Variants in NIBAN1 observed in about 807,000 individuals in gnomAD.
NIBAN1 encodes the protein protein Niban 1.
Under a neutral mutation model 75.1 loss-of-function variants are expected in NIBAN1, and 81 were observed. The observed-to-expected ratio is 1.08, with a 90% confidence interval of 0.90 to 1.30. The LOEUF (loss-of-function observed/expected upper bound fraction) is 1.30. Ranked by LOEUF, NIBAN1 falls within the 50% of genes most tolerant of loss-of-function variation. NIBAN1 has a pLI of 0.00. For synonymous variants in NIBAN1, 436 were observed against 424.8 expected, an observed-to-expected ratio of 1.03 and a Z score of -0.32; for missense variants, 1,133 against 1,128.1, an observed-to-expected ratio of 1.00 and a Z score of -0.06.
At chr1:184,812,439 G>A (rs139135952) in intron 9 of NIBAN1, among the ~76,000 whole-genome samples, 2,719 of 152,310 alleles carry the variant, frequency 0.018, 82 homozygotes, top group African/African-American at 0.062. Context: ...GCCACTCAGG[G>A]AAAGGGAGCC....
At chr1:184,955,751 A>G (rs1658473053) in intron 1 of NIBAN1, among the ~76,000 whole-genome samples, 1 of 152,230 alleles carries the variant, frequency 6.6e-6, no homozygotes, top group Non-Finnish European at 1.5e-5. Context: ...TGAGGGTGAT[A>G]TAAAGGAAAA....
intron 1 of NIBAN1, among the ~76,000 whole-genome samples, chr1:184,916,097 C>G (rs1272715691): frequency 6.6e-6 from 1 of 152,138 alleles, no homozygotes; most frequent in Non-Finnish European, 1.5e-5. Context: ...ACTTGAAGTT[C>G]TCCAAATAAA....
At position 184,854,031 on chromosome 1, in the gene NIBAN1, C is replaced by G. The variant is rs144901973; in HGVS notation, c.602-22069G>C. Among the ~76,000 whole-genome samples the G allele has an allele frequency of 5.9e-5, 9 of 152,268 alleles. No homozygotes were observed. In the East Asian group the frequency reaches 1.7e-3, roughly 29 times the overall value. On this transcript the variant is annotated intron_variant, in intron 5 of 13. Transcript: ENST00000367511. Reference sequence around the variant, plus strand: ...TAATGTTTTATTTAACCCCAAATATCTGAAATATGTGATCAATATAAAAAT... The same window carrying G: ...TAATGTTTTATTTAACCCCAAATATGTGAAATATGTGATCAATATAAAAAT...
In NIBAN1 at chr1:184,894,188, T is replaced by G. The variant is rs1424074529; in HGVS notation, c.205A>C (p.Thr69Pro). 1.2e-6 allele frequency: 2 copies of G among 1,607,230 alleles called. No individual in the cohort carries two copies. The highest frequency in any genetic ancestry group is 1.7e-6 in the Non-Finnish European group (2 of 1,177,712). Residue 69 changes from threonine (T) to proline (P), a missense_variant, in exon 3 of 14, where the codon ACT (threonine) becomes CCT (proline). Coordinates refer to ENST00000367511, the MANE Select transcript of NIBAN1 (RefSeq NM_052966.4). ...LKTKPPLAPG[T>P]ILYEAELSQF... The stretch of plus-strand genomic sequence containing the variant: ...GATAGCTCTGCTTCATACAAAATAG[T>G]TCCAGGCGCCAATGGTGGCTTAAAG...
chr1:184,799,522 T>C (rs1653971873), intron 12 of NIBAN1, among the ~76,000 whole-genome samples: 1 of 147,396 alleles, frequency 6.8e-6, no homozygotes, highest in East Asian at 2.0e-4. Context: ...TGTGTCTTTA[T>C]AGCAGCATGA....
intron 11 of NIBAN1, among the ~76,000 whole-genome samples, chr1:184,804,993 T>C (rs1654154627): frequency 6.6e-6 from 1 of 152,160 alleles, no homozygotes; most frequent in Non-Finnish European, 1.5e-5. Context: ...TTTCACCGTG[T>C]TAGCCAGGAT....
intron 1 of NIBAN1, among the ~76,000 whole-genome samples, chr1:184,960,183 G>T (rs1437078770): frequency 6.6e-6 from 1 of 152,098 alleles, no homozygotes; most frequent in Non-Finnish European, 1.5e-5. Context: ...TTAGAGAGAA[G>T]AATTAAATTA....
At chr1:184,903,439 G>T (rs533590102) in intron 1 of NIBAN1, among the ~76,000 whole-genome samples, 2 of 152,182 alleles carry the variant, frequency 1.3e-5, no homozygotes, top group Non-Finnish European at 2.9e-5. Context: ...AATGTTGGAG[G>T]TGTGGCCTGG....
At chr1:184,873,567 T>C (rs895191418) in intron 5 of NIBAN1, among the ~76,000 whole-genome samples, 1 of 152,266 alleles carries the variant, frequency 6.6e-6, no homozygotes, top group Middle Eastern at 3.4e-3. Context: ...AAATATACCT[T>C]AGTAAAATAA....
Position 184,791,752 on chromosome 1 carries a change from T to C in NIBAN1, c.*3225A>G, listed in dbSNP as rs1488961669. 1 of 152,030 alleles carries C rather than the reference T, an allele frequency of 6.6e-6. No homozygotes were observed. Among genetic ancestry groups the C allele is most frequent in the Non-Finnish European group, 1.5e-5 (1 of 68,020 alleles). 9.4% of individuals were successfully genotyped at this position (152,030 alleles called of 1,614,324 possible). A position where few individuals can be genotyped will look rare whatever the true frequency, so the allele number is the denominator to read the frequency against. On this transcript the variant is annotated 3_prime_UTR_variant, in exon 14 of 14. Transcript: ENST00000367511. ...GGCAAACAGAGGCTAAGGAAAAAAA[T>C]GCTGTTCATTTAGATCAGAATAACC... is the stretch of plus-strand genomic sequence containing the variant.
At chr1:184,817,247 C>T (rs1249513397) in intron 9 of NIBAN1, among the ~76,000 whole-genome samples, 2 of 152,100 alleles carry the variant, frequency 1.3e-5, no homozygotes, top group African/African-American at 2.4e-5. Flanking sequence ...GTGTACATGC[C>T]ACATTTTCTT....
rs1444746273 is a variant in NIBAN1 at position 184,846,096 on chromosome 1, G to A, written c.602-14134C>T. Among the ~76,000 whole-genome samples the A allele has an allele frequency of 8.8e-3, 696 of 78,956 alleles. 160 individuals are homozygous for A. In the East Asian group the frequency reaches 0.094, roughly 11 times the overall value. 51.8% of individuals were successfully genotyped at this position (78,956 alleles called of 152,430 possible). ...TTGCTTAGGTAAACAAAGCAGCCAG[G>A]AAGCTCGAACTGGGTGGAGCCCACC... On this transcript the variant is annotated intron_variant, in intron 5 of 13. Coordinates refer to ENST00000367511, the MANE Select transcript of NIBAN1 (RefSeq NM_052966.4).
chr1:184,795,574 C>T lies in NIBAN1; in HGVS notation c.2190G>A (p.Met730Ile), dbSNP rs771684949. The T allele has an allele frequency of 1.2e-6, 2 of 1,614,074 alleles. No individual in the cohort carries two copies. The highest frequency in any genetic ancestry group is 3.3e-5 in the Admixed American group (2 of 60,006). The stretch of plus-strand genomic sequence containing the variant: ...GGCTCTCCCCATTCGTATCTTCTTC[C>T]ATCACTGGAGCAGAGTCCACTGGTA... ...VEVPVDSAPV[M>I]EEDTNGESHV... Residue 730 changes from methionine to isoleucine, a missense_variant, in exon 14 of 14, where the codon ATG (methionine) becomes ATA (isoleucine). By Grantham distance (10) the Met-to-Ile change is conservative. Transcript: ENST00000367511.
chr1:184,904,127 C>T (rs1422565345), intron 1 of NIBAN1, among the ~76,000 whole-genome samples: 1 of 152,060 alleles, frequency 6.6e-6, no homozygotes, highest in Non-Finnish European at 1.5e-5. Context: ...AACTTCTGAC[C>T]TCAAGTGATC....
Position 184,818,810 on chromosome 1 carries a change from G to A in NIBAN1, c.1001C>T (p.Pro334Leu), listed in dbSNP as rs377436763. ...ACTCTCCAAGCAGCTTTTCTCCGCC[G>A]GCTGGGCCACCATCGCTGAGGTAGG... ...IGKIKAMVAQ[P>L]AEKSCLESVQ... is the part of the protein sequence containing the mutation. The change falls in exon 9 of 14, where the codon CCG becomes CTG. Residue 334 changes from proline (P) to leucine (L), a missense_variant. Physicochemically the swap from Pro to Leu is moderately conservative, Grantham distance 98. Coordinates refer to ENST00000367511, the MANE Select transcript of NIBAN1 (RefSeq NM_052966.4). 59 of 1,592,038 alleles carry A rather than the reference G, an allele frequency of 3.7e-5. No individual in the cohort carries two copies. The highest frequency in any genetic ancestry group is 6.8e-5 in the East Asian group (3 of 44,444).
rs556688348 is a variant in NIBAN1, at chr1:184,917,247, C to G, written c.56-17938G>C. Among the ~76,000 whole-genome samples the G allele has an allele frequency of 7.8e-3, 1,179 of 151,348 alleles. 15 individuals carry two copies. The highest frequency in any genetic ancestry group is 0.027 in the African/African-American group (1,103 of 41,174). ...TGAGATGAAGTCTCACTCTGTCGCC[C>G]AGGCTGGAGTGCAGTGGCGCGATCT... On this transcript the variant is annotated intron_variant, in intron 1 of 13. Coordinates refer to ENST00000367511, the MANE Select transcript of NIBAN1 (RefSeq NM_052966.4).
intron 5 of NIBAN1, among the ~76,000 whole-genome samples, chr1:184,876,492 G>T (rs1430340994): frequency 6.6e-6 from 1 of 152,030 alleles, no homozygotes; most frequent in Non-Finnish European, 1.5e-5. Context: ...GAGGTCAGGA[G>T]TTCGAGACCA....
rs138245442 is a variant in NIBAN1 at position 184,795,085 on chromosome 1, C to T, written c.2679G>A (p.Trp893Ter). ...CCGGGTTTGGAGCATCCTCCACCACCCACTGACACTCATGAATACGGGCTA... is the reference window on the plus strand; with the variant it reads ...CCGGGTTTGGAGCATCCTCCACCACTCACTGACACTCATGAATACGGGCTA... The part of the protein sequence containing the change: ...IKVARIHECQ[W>*]VVEDAPNPDV... The change falls in exon 14 of 14, where the codon TGG becomes TGA. Residue 893 changes from tryptophan to a stop codon, truncating the protein, a stop_gained. Transcript: ENST00000367511. LOFTEE classifies it low-confidence loss of function (END_TRUNC). 6.2e-6 allele frequency: 10 copies of T among 1,614,110 alleles called. No homozygotes were observed. Among genetic ancestry groups the T allele is most frequent in the Non-Finnish European group, 8.5e-6 (10 of 1,180,050 alleles).
chr1:184,881,781 G>A (rs1255468731), intron 5 of NIBAN1, among the ~76,000 whole-genome samples: 1 of 152,188 alleles, frequency 6.6e-6, no homozygotes, highest in African/African-American at 2.4e-5. Flanking sequence ...GCACTGGTGG[G>A]AGTGTAGCAG....
Sources: allele counts gnomAD v4.1 joint callset (sites outside exome capture counted in the v4.1 genomes callset), GRCh38; gene constraint gnomAD v4.1.1; transcripts MANE v1.5; gene names NCBI Gene and HGNC (gene_info 2026-07-23, HGNC 2026-07-21).